The following ELAPOR2 variants were observed in gnomAD, a reference collection of about 807,000 sequenced individuals.
ELAPOR2 encodes endosome/lysosome-associated apoptosis and autophagy regulator family member 2.
Under a neutral mutation model 120.7 loss-of-function variants are expected in ELAPOR2, and 89 were observed. The observed-to-expected ratio is 0.74, with a 90% confidence interval of 0.62 to 0.88. The LOEUF (loss-of-function observed/expected upper bound fraction) is 0.88, where lower values mean the gene tolerates loss of function less well. Ranked by LOEUF, ELAPOR2 falls within the 40% of genes least tolerant of loss-of-function variation. The pLI, the probability that ELAPOR2 is intolerant of heterozygous loss-of-function variation, is 0.00. For missense variants in ELAPOR2, 1,134 were observed against 1,251.6 expected (o/e 0.91, Z 1.42); for synonymous variants, 444 against 444.9 (o/e 1.00, Z 0.03).
rs749403913 is a variant in ELAPOR2, at chr7:86,892,969, G to A, written c.2817C>T (p.Ala939=). 4.5e-6 allele frequency: 7 copies of A among 1,570,774 alleles called. No homozygotes were observed. Among genetic ancestry groups the A allele is most frequent in the African/African-American group, 2.8e-5 (2 of 71,096 alleles). Residue 939 remains alanine, a synonymous_variant, in exon 20 of 22, where the codon GCC becomes GCT. Transcript: ENST00000450689. ...KVGAGVGAFT[A]VLLVALTCYF... ...AGCAGGTCAGAGCCACCAGCAAAAC[G>A]GCAGTAAAAGCTCCCACACCGGCTC...
At chr7:86,899,835 T>G (rs1164986105) in intron 18 of ELAPOR2, among the ~76,000 whole-genome samples, 1 of 151,302 alleles carries the variant, frequency 6.6e-6, no homozygotes, top group Non-Finnish European at 1.5e-5. Context: ...AATTCTTATC[T>G]GCCTTAATTT....
Position 86,947,719 on chromosome 7 carries a change from A to T in ELAPOR2, c.506+8T>A, listed in dbSNP as rs1210589935. ...AGTTAAGAGCCAAAGGCTGCTTTGG[A>T]TTCTTACTTGTTACAGCCGTCTGGC... On this transcript the variant is annotated splice_region_variant and intron_variant, in intron 3 of 21. Transcript: ENST00000450689. 3 of 1,548,142 alleles carry T rather than the reference A, an allele frequency of 1.9e-6. No individual in the cohort carries two copies. The East Asian group carries it at 7.3e-5, about 38-fold the overall frequency.
chr7:86,958,305 G>C (rs1791558922), intron 2 of ELAPOR2, among the ~76,000 whole-genome samples: 2 of 152,166 alleles, frequency 1.3e-5, no homozygotes, highest in African/African-American at 4.8e-5. Flanking sequence ...TTGTTGTAAT[G>C]ACTAAATGAA....
At chr7:86,901,433 G>A (rs1788720016) in intron 18 of ELAPOR2, among the ~76,000 whole-genome samples, 1 of 152,136 alleles carries the variant, frequency 6.6e-6, no homozygotes, top group African/African-American at 2.4e-5. Context: ...TCCTAAAGTA[G>A]GATCTAATTG....
intron 1 of ELAPOR2, among the ~76,000 whole-genome samples, chr7:87,045,453 T>C (rs562175938): frequency 6.6e-6 from 1 of 151,378 alleles, no homozygotes; most frequent in South Asian, 2.1e-4. Flanking sequence ...TTCGTGTCCT[T>C]TGTAGGGACA....
chr7:86,923,862 C>T (rs1156554395), intron 10 of ELAPOR2, among the ~76,000 whole-genome samples: 1 of 152,058 alleles, frequency 6.6e-6, no homozygotes, highest in African/African-American at 2.4e-5. Context: ...CTTTGAATTC[C>T]TCTTAGGCAA....
chr7:86,973,832 G>A (rs75140736), intron 1 of ELAPOR2, among the ~76,000 whole-genome samples: 2,220 of 152,242 alleles, frequency 0.015, 30 homozygotes, highest in Non-Finnish European at 0.02. Context: ...GCTAGAGGAG[G>A]ACCCTCTATA....
At chr7:87,057,303 A>G (rs1401999466) in intron 1 of ELAPOR2, among the ~76,000 whole-genome samples, 1 of 152,242 alleles carries the variant, frequency 6.6e-6, no homozygotes, top group African/African-American at 2.4e-5. Context: ...GAGAAAAACA[A>G]TGACCAATTC....
intron 1 of ELAPOR2, among the ~76,000 whole-genome samples, chr7:87,028,156 C>T (rs1486191911): frequency 1.3e-5 from 2 of 152,120 alleles, no homozygotes; most frequent in African/African-American, 4.8e-5. Context: ...TAGCAAAGCT[C>T]CTCAAAACAA....
chr7:87,022,046 G>C (rs577883463), intron 1 of ELAPOR2, among the ~76,000 whole-genome samples: 86 of 152,130 alleles, frequency 5.7e-4, no homozygotes, highest in African/African-American at 2.0e-3. Flanking sequence ...ACAGCCATAG[G>C]TTAGTGAATA....
chr7:86,914,738 A>G lies in ELAPOR2; in HGVS notation c.1716T>C (p.Thr572=). Residue 572 remains threonine, a synonymous_variant, in exon 13 of 22, where the codon ACT becomes ACC. Coordinates refer to ENST00000450689, the MANE Select transcript of ELAPOR2 (RefSeq NM_001142749.3). The part of the protein sequence containing the change: ...TFTFTWAFQR[T]NQGQDNRRFI... Reference sequence around the variant, plus strand: ...TGGAACTTACATCTTGACCCTGATTAGTTCTCTGGAATGCCCATGTAAATG... The same window carrying G: ...TGGAACTTACATCTTGACCCTGATTGGTTCTCTGGAATGCCCATGTAAATG... 2 of 1,609,948 alleles carry G rather than the reference A, an allele frequency of 1.2e-6. No homozygotes were observed. Among genetic ancestry groups the G allele is most frequent in the Non-Finnish European group, 1.7e-6 (2 of 1,178,266 alleles).
intron 18 of ELAPOR2, among the ~76,000 whole-genome samples, chr7:86,900,638 T>C (rs1425801111): frequency 6.6e-6 from 1 of 152,210 alleles, no homozygotes; most frequent in South Asian, 2.1e-4. Flanking sequence ...AAAGATACTC[T>C]TAGCTTAACT....
intron 21 of ELAPOR2, among the ~76,000 whole-genome samples, chr7:86,882,892 T>C (rs1199592634): frequency 6.6e-6 from 1 of 152,144 alleles, no homozygotes; most frequent in Non-Finnish European, 1.5e-5. Flanking sequence ...CCCAAGAATC[T>C]TCTCCAAAGC....
At chr7:86,933,549 T>TGCCATGACAATG (rs529712461) in intron 8 of ELAPOR2, among the ~76,000 whole-genome samples, 3 of 151,894 alleles carry the variant, frequency 2.0e-5, no homozygotes, top group Admixed American at 6.6e-5. Context: ...CTCCCACCAG[T>TGCCATGACAATG]GCCATGACAA....
intron 1 of ELAPOR2, among the ~76,000 whole-genome samples, chr7:87,055,383 C>T (rs1029971013): frequency 2.6e-5 from 4 of 152,212 alleles, no homozygotes; most frequent in Admixed American, 1.3e-4. Flanking sequence ...CTATTGCCTA[C>T]CAAATGAAGA....
intron 2 of ELAPOR2, among the ~76,000 whole-genome samples, chr7:86,948,719 T>C (rs948725264): frequency 7.2e-5 from 11 of 151,874 alleles, no homozygotes; most frequent in African/African-American, 2.4e-4. Flanking sequence ...ATGTGAAGAA[T>C]AGTTGACACA....
At position 86,925,465 on chromosome 7, in the gene ELAPOR2, A is replaced by G. The variant is rs1790022681; in HGVS notation, c.1399+63T>C. The G allele has an allele frequency of 1.0e-5, 16 of 1,567,560 alleles. No individual in the cohort carries two copies. In the South Asian group the frequency reaches 1.5e-4, roughly 14 times the overall value. On this transcript the variant is annotated intron_variant, in intron 10 of 21. Coordinates refer to ENST00000450689, the MANE Select transcript of ELAPOR2 (RefSeq NM_001142749.3). Reference sequence around the variant, plus strand: ...ATACTTGGTATGTTTTAGAGAGCTAAGTTCAAGAATGAATGATGTCTCTAT... The same window carrying G: ...ATACTTGGTATGTTTTAGAGAGCTAGGTTCAAGAATGAATGATGTCTCTAT...
chr7:86,922,500 G>A (rs1789875983), intron 10 of ELAPOR2, among the ~76,000 whole-genome samples: 1 of 151,678 alleles, frequency 6.6e-6, no homozygotes. Context: ...ATGCTGTGAT[G>A]TTTCTTTTCA....
chr7:87,044,338 A>G lies in ELAPOR2; in HGVS notation c.189+14987T>C, dbSNP rs1235226742. ...AAAAGAACAAAGCTGGAGGCATCACACTACCTGACTTCAAACTATACTACA... is the reference window on the plus strand; with the variant it reads ...AAAAGAACAAAGCTGGAGGCATCACGCTACCTGACTTCAAACTATACTACA... On this transcript the variant is annotated intron_variant, in intron 1 of 21. Transcript: ENST00000450689. 6.8e-5 allele frequency among the ~76,000 whole-genome samples: 5 copies of G among 73,246 alleles called. No individual in the cohort carries two copies. The East Asian group carries it at 9.4e-4, about 14-fold the overall frequency. The allele number at this position is 73,246 out of a possible 152,430, so 48.1% of individuals were successfully genotyped here. A position where few individuals can be genotyped will look rare whatever the true frequency, so the allele number is the denominator to read the frequency against.
Sources: allele counts gnomAD v4.1 joint callset (sites outside exome capture counted in the v4.1 genomes callset), GRCh38; gene constraint gnomAD v4.1.1; transcripts MANE v1.5; gene names NCBI Gene and HGNC (gene_info 2026-07-23, HGNC 2026-07-21).